Variants in KRT8 observed in about 807,000 individuals in gnomAD.
KRT8 encodes keratin 8.
A neutral mutation model predicts 43.0 loss-of-function variants in KRT8; 24 were observed. The ratio of observed to expected loss-of-function variants is 0.56; its 90% CI spans 0.40 to 0.78. The LOEUF is 0.78. KRT8 is among the 30% of genes least tolerant of loss of function. The pLI is 0.00. For missense variants in KRT8, 492 were observed against 638.4 expected (o/e 0.77, Z 2.47); for synonymous variants, 214 against 261.2 (o/e 0.82, Z 1.74).
At chr12:52,938,170 A>ATTTTTTTTTTT (rs780140219) in intron 2 of KRT8, among the ~76,000 whole-genome samples, 1 of 30,318 alleles carries the variant, frequency 3.3e-5, no homozygotes, top group African/African-American at 1.4e-4. Context: ...ATATATATAT[A>ATTTTTTTTTTT]TTTTTTTTTT....
intron 2 of KRT8, among the ~76,000 whole-genome samples, chr12:52,938,865 C>T (rs1942222481): frequency 1.3e-5 from 2 of 152,072 alleles, no homozygotes; most frequent in African/African-American, 4.8e-5. Context: ...GATCCTCCCG[C>T]CTTGACCTCC....
intron 2 of KRT8, among the ~76,000 whole-genome samples, chr12:52,937,137 G>A (rs537146214): frequency 5.9e-5 from 9 of 152,012 alleles, no homozygotes; most frequent in Non-Finnish European, 1.2e-4. Flanking sequence ...TTGGGAGGCT[G>A]AGGCGGGTGG....
chr12:52,934,288 C>T (rs922320063), intron 2 of KRT8, among the ~76,000 whole-genome samples: 5 of 151,828 alleles, frequency 3.3e-5, no homozygotes, highest in African/African-American at 9.7e-5. Flanking sequence ...AAGCCGGGCA[C>T]AGTGGTTTAC....
intron 2 of KRT8, among the ~76,000 whole-genome samples, chr12:52,915,898 C>A (rs1396231202): frequency 1.3e-5 from 2 of 152,182 alleles, no homozygotes; most frequent in African/African-American, 4.8e-5. Context: ...TGGCCAAAGT[C>A]TACCTTCTGT....
At chr12:52,940,088 A>G (rs1942241311) in intron 2 of KRT8, among the ~76,000 whole-genome samples, 1 of 152,180 alleles carries the variant, frequency 6.6e-6, no homozygotes, top group African/African-American at 2.4e-5. Context: ...CTGCAATAAC[A>G]TAGATGAATC....
At chr12:52,902,470 C>T (rs1941396389) in intron 1 of KRT8, among the ~76,000 whole-genome samples, 1 of 152,112 alleles carries the variant, frequency 6.6e-6, no homozygotes, top group Non-Finnish European at 1.5e-5. Context: ...CTCCGCCTCC[C>T]AAGTTCATGC....
intron 2 of KRT8, among the ~76,000 whole-genome samples, chr12:52,931,221 T>C (rs931185844): frequency 6.6e-6 from 1 of 151,940 alleles, no homozygotes; most frequent in African/African-American, 2.4e-5. Flanking sequence ...GCACCCGCCA[T>C]CAAGCCTGGC....
rs978385754 is a variant in KRT8, at chr12:52,900,186, C to T, written c.691-121G>A. The T allele has an allele frequency of 4.9e-5, 49 of 1,009,736 alleles. No homozygotes were observed. In the African/African-American group the frequency reaches 7.4e-4, roughly 15 times the overall value. 62.5% of individuals were successfully genotyped at this position (1,009,736 alleles called of 1,614,324 possible). ...GCAGAGGAGAGGAGCAGGTGGGAGTCAGGGTCAGGGAGAGGGCAAAGTTCC... is the reference window on the plus strand; with the variant it reads ...GCAGAGGAGAGGAGCAGGTGGGAGTTAGGGTCAGGGAGAGGGCAAAGTTCC... On this transcript the variant is annotated intron_variant, in intron 4 of 7. Transcript: ENST00000692008.
At chr12:52,915,895 A>G (rs566429277) in intron 2 of KRT8, among the ~76,000 whole-genome samples, 1 of 152,358 alleles carries the variant, frequency 6.6e-6, no homozygotes, top group East Asian at 1.9e-4. Context: ...ACCTGGCCAA[A>G]GTCTACCTTC....
At chr12:52,940,526 T>A (rs1466034304) in intron 2 of KRT8, among the ~76,000 whole-genome samples, 1 of 150,984 alleles carries the variant, frequency 6.6e-6, no homozygotes, top group African/African-American at 2.4e-5. Flanking sequence ...AGGGAAAAGC[T>A]ATGAGGACAG....
intron 2 of KRT8, among the ~76,000 whole-genome samples, chr12:52,932,046 C>T (rs1275199177): frequency 6.6e-6 from 1 of 151,986 alleles, no homozygotes; most frequent in Non-Finnish European, 1.5e-5. Flanking sequence ...ATCTGCCCGC[C>T]TCTGCTTCCC....
chr12:52,908,482 A>T (rs1941568561), upstream of KRT8, among the ~76,000 whole-genome samples: 1 of 152,206 alleles, frequency 6.6e-6, no homozygotes, highest in Admixed American at 6.5e-5. Flanking sequence ...AATTAAAAGG[A>T]ATGAACTACT....
upstream of KRT8, chr12:52,906,574 G>A (rs1941524277): frequency 9.8e-6 from 4 of 407,208 alleles, no homozygotes; most frequent in South Asian, 7.2e-5. Flanking sequence ...GCCTGGGTGG[G>A]GCCAGGCAGG....
At chr12:52,932,092 C>CTTTT (rs139882612) in intron 2 of KRT8, among the ~76,000 whole-genome samples, 12 of 128,678 alleles carry the variant, frequency 9.3e-5, no homozygotes, top group African/African-American at 1.2e-4. Flanking sequence ...GTAAATCATT[C>CTTTT]TTTTTTTTTT....
rs960998836 is a variant in KRT8, at chr12:52,920,080, G to A, written c.-46-15053C>T. Among the ~76,000 whole-genome samples the A allele has an allele frequency of 5.9e-5, 9 of 152,334 alleles. 1 individual carries two copies. On this transcript the variant is annotated intron_variant, in intron 2 of 6. Coordinates refer to the KRT8 transcript ENST00000546826. ...AACCCAAGTCTGGAGTAATTTTAGA[G>A]CTTGAACATTCTCTTTTCAATTATG...
intron 2 of KRT8, chr12:52,949,093 A>T (rs1565736981): frequency 6.6e-6 from 9 of 1,366,052 alleles, no homozygotes; most frequent in Non-Finnish European, 9.4e-6. Context: ...TCTGCGATAT[A>T]ACTCGGGTCG....
chr12:52,903,787 A>C (rs1941435918), intron 1 of KRT8: 1 of 152,214 alleles, frequency 6.6e-6, no homozygotes, highest in Non-Finnish European at 1.5e-5. Flanking sequence ...GGGGCGTCCC[A>C]CGCCCGCAGA....
chr12:52,905,062 A>C (rs1941482610), exon 1 of KRT8: 4 of 1,526,214 alleles, frequency 2.6e-6, no homozygotes, highest in Non-Finnish European at 3.5e-6. Context: ...CTTGGTGAGG[A>C]GAGCTCTCAG....
intron 2 of KRT8, among the ~76,000 whole-genome samples, chr12:52,920,424 C>A (rs1273501122): frequency 6.6e-6 from 1 of 151,722 alleles, no homozygotes; most frequent in Non-Finnish European, 1.5e-5. Context: ...ATGGAGAAAC[C>A]CCATCTCTAC....
Sources: gnomAD v4.1 joint callset for allele counts (sites outside exome capture counted in the v4.1 genomes callset) on GRCh38, gnomAD v4.1.1 for gene constraint, MANE v1.5 for transcripts, NCBI Gene and HGNC (gene_info 2026-07-23, HGNC 2026-07-21) for gene names.